The following VTI1A variants were observed in gnomAD, a reference collection of about 807,000 sequenced individuals.
VTI1A encodes the protein vesicle transport through interaction with t-SNAREs 1A.
In VTI1A, 22 loss-of-function variants were observed where a neutral mutation model predicts 34.9. The ratio of observed to expected loss-of-function variants is 0.63; its 90% confidence interval spans 0.45 to 0.90. The LOEUF is 0.90. Among genes scored for constraint, VTI1A ranks in the 40% least tolerant of loss-of-function variants. The pLI is 0.00. For synonymous variants in VTI1A, 87 were observed against 97.3 expected (o/e 0.89, Z 0.62); for missense variants, 268 against 275.6 (o/e 0.97, Z 0.20).
chr10:112,817,909 T>C lies in VTI1A; in HGVS notation c.*2526T>C. ...AGAAGAGAAGGAAGCCCTTGCCATA[T>C]AAAATTCATGCAGACTAAACAGTTT... On this transcript the variant is annotated 3_prime_UTR_variant, in exon 8 of 8. Transcript: ENST00000393077. 4.3e-6 allele frequency: 1 copy of C among 233,180 alleles called. No individual in the cohort carries two copies. The highest frequency in any genetic ancestry group is 8.5e-6 in the Non-Finnish European group (1 of 117,712). 14.4% of individuals were successfully genotyped at this position (233,180 alleles called of 1,614,324 possible).
intron 7 of VTI1A, among the ~76,000 whole-genome samples, chr10:112,732,819 T>C (rs11196080): frequency 5.3e-5 from 8 of 152,150 alleles, no homozygotes; most frequent in Non-Finnish European, 1.2e-4. Context: ...ACCCACATGC[T>C]TCTCTCTGGA....
chr10:112,518,894 G>C (rs1849908285), intron 3 of VTI1A, among the ~76,000 whole-genome samples: 1 of 151,848 alleles, frequency 6.6e-6, no homozygotes, highest in South Asian at 2.1e-4. Context: ...AATGAGGTAT[G>C]AAGTTTCATA....
chr10:112,596,924 G>C (rs1309741062), intron 5 of VTI1A, among the ~76,000 whole-genome samples: 1 of 152,114 alleles, frequency 6.6e-6, no homozygotes, highest in Non-Finnish European at 1.5e-5. Context: ...TGTTCTTGAA[G>C]TATTGACATG....
chr10:112,543,536 T>G (rs1850948933), intron 5 of VTI1A, among the ~76,000 whole-genome samples: 1 of 152,248 alleles, frequency 6.6e-6, no homozygotes, highest in Non-Finnish European at 1.5e-5. Flanking sequence ...TTTGATTTTT[T>G]TCTTCTAAAT....
At chr10:112,670,613 T>C (rs1330701635) in intron 7 of VTI1A, among the ~76,000 whole-genome samples, 1 of 152,186 alleles carries the variant, frequency 6.6e-6, no homozygotes, top group Non-Finnish European at 1.5e-5. Flanking sequence ...TTTGAATAAA[T>C]TTGCAAGTCA....
the VTI1A span, among the ~76,000 whole-genome samples, chr10:112,835,360 G>A: frequency 6.6e-6 from 1 of 152,178 alleles, no homozygotes; most frequent in African/African-American, 2.4e-5. Context: ...TGTTAGACAC[G>A]GGCCTCAGGT....
the VTI1A span, among the ~76,000 whole-genome samples, chr10:112,833,431 C>G: frequency 1.3e-5 from 2 of 152,030 alleles, no homozygotes; most frequent in Non-Finnish European, 2.9e-5. Context: ...AGGAACCAAG[C>G]AGAGGAGTGA....
chr10:112,766,094 A>G (rs1851638509), intron 7 of VTI1A, among the ~76,000 whole-genome samples: 1 of 152,208 alleles, frequency 6.6e-6, no homozygotes, highest in South Asian at 2.1e-4. Context: ...AGCAAGAGAA[A>G]GGAGAGAGTG....
At chr10:112,640,306 T>C (rs1201388090) in intron 5 of VTI1A, among the ~76,000 whole-genome samples, 1 of 152,242 alleles carries the variant, frequency 6.6e-6, no homozygotes, top group Non-Finnish European at 1.5e-5. Context: ...AAAGTCCCAC[T>C]GTTCTAAGAG....
chr10:112,691,756 AG>A (rs1338145439), intron 7 of VTI1A, among the ~76,000 whole-genome samples: 1 of 152,202 alleles, frequency 6.6e-6, no homozygotes, highest in African/African-American at 2.4e-5. Flanking sequence ...GGTTCACTTG[AG>A]GCAGATGTGA....
chr10:112,675,121 T>C (rs1482358338), intron 7 of VTI1A, among the ~76,000 whole-genome samples: 2 of 152,178 alleles, frequency 1.3e-5, no homozygotes, highest in African/African-American at 4.8e-5. Context: ...GACCAGGAAA[T>C]TCAAAATCCA....
chr10:112,743,385 C>T (rs531445304), intron 7 of VTI1A, among the ~76,000 whole-genome samples: 1 of 152,298 alleles, frequency 6.6e-6, no homozygotes, highest in South Asian at 2.1e-4. Context: ...TTCACTCCAT[C>T]ATCTGGAGGT....
chr10:112,618,514 TATATATATATAG>T (rs1485867456), intron 5 of VTI1A, among the ~76,000 whole-genome samples: 2 of 42,516 alleles, frequency 4.7e-5, no homozygotes, highest in Admixed American at 4.3e-4. Flanking sequence ...TATATATATA[TATATATATATAG>T]AGAGAGAGAG....
At chr10:112,552,682 T>C (rs977928052) in intron 5 of VTI1A, among the ~76,000 whole-genome samples, 4 of 152,164 alleles carry the variant, frequency 2.6e-5, no homozygotes, top group Admixed American at 2.6e-4. Context: ...TCACTGATAC[T>C]GCCTGCCAGC....
At chr10:112,823,385 A>G (rs1417026989), downstream of VTI1A, 1 of 152,172 alleles carries the variant, frequency 6.6e-6, no homozygotes, top group Non-Finnish European at 1.5e-5. Context: ...CATAAAAGGG[A>G]AAAAAGTTGC....
intron 3 of VTI1A, among the ~76,000 whole-genome samples, chr10:112,500,020 A>G (rs188664184): frequency 9.2e-5 from 14 of 152,328 alleles, no homozygotes; most frequent in Admixed American, 4.6e-4. Flanking sequence ...AGCTGACTAT[A>G]TCAAATTATT....
At chr10:112,668,044 T>A (rs914942061) in intron 5 of VTI1A, among the ~76,000 whole-genome samples, 174 bp from the exon 6 acceptor site, 6 of 152,178 alleles carry the variant, frequency 3.9e-5, no homozygotes, top group African/African-American at 1.4e-4. Flanking sequence ...CTAAGATAAA[T>A]AGATAAATTT....
rs115579237 is a variant in VTI1A at position 112,761,922 on chromosome 10, C to T, written c.561-53368C>T. 6.5e-3 allele frequency among the ~76,000 whole-genome samples: 986 copies of T among 152,216 alleles called. 13 individuals carry two copies. The highest frequency in any genetic ancestry group is 0.023 in the African/African-American group (949 of 41,528). Reference sequence around the variant, plus strand: ...TTTTGTTTTCTGAATATCTACTCCGCGATCTGAGTAAATAAAGTCTTTTAC... The same window carrying T: ...TTTTGTTTTCTGAATATCTACTCCGTGATCTGAGTAAATAAAGTCTTTTAC... On this transcript the variant is annotated intron_variant, in intron 7 of 7. Coordinates refer to ENST00000393077, the MANE Select transcript of VTI1A (RefSeq NM_145206.4).
chr10:112,489,310 T>G (rs1589822787), intron 3 of VTI1A, among the ~76,000 whole-genome samples: 1 of 152,340 alleles, frequency 6.6e-6, no homozygotes, highest in Non-Finnish European at 1.5e-5. Context: ...AGGTACTCCC[T>G]GAATCTCTGC....
Sources: gnomAD v4.1 joint callset for allele counts (sites outside exome capture counted in the v4.1 genomes callset) on GRCh38, gnomAD v4.1.1 for gene constraint, MANE v1.5 for transcripts, NCBI Gene and HGNC (gene_info 2026-07-23, HGNC 2026-07-21) for gene names.